The following RBFOX1 variants were observed in gnomAD, a reference collection of about 807,000 sequenced individuals.
The protein encoded by RBFOX1 is RNA binding fox-1 homolog 1.
In RBFOX1, 8 loss-of-function variants were observed where a neutral mutation model predicts 57.7. The observed-to-expected ratio is 0.14, with a 90% CI of 0.08 to 0.25. RBFOX1 has a LOEUF of 0.25. RBFOX1 is among the 10% of genes least tolerant of loss of function. RBFOX1 has a pLI of 1.00. For synonymous variants in RBFOX1, 326 were observed against 222.4 expected, an observed-to-expected ratio of 1.47 and a Z score of -4.15; for missense variants, 611 against 548.5, an observed-to-expected ratio of 1.11 and a Z score of -1.14.
chr16:7,605,545 A>G (rs2095250896), intron 9 of RBFOX1, among the ~76,000 whole-genome samples: 1 of 152,174 alleles, frequency 6.6e-6, no homozygotes, highest in East Asian at 1.9e-4. Context: ...CAAGTTTTAG[A>G]AAGTTCTGGA....
intron 14 of RBFOX1, among the ~76,000 whole-genome samples, chr16:7,690,279 T>C (rs1000925913): frequency 6.6e-6 from 1 of 152,082 alleles, no homozygotes; most frequent in Admixed American, 6.6e-5. Context: ...ACCATTCACC[T>C]CAACAAGTGA....
intron 5 of RBFOX1, among the ~76,000 whole-genome samples, chr16:7,562,764 C>T (rs767678077): frequency 6.6e-6 from 1 of 152,238 alleles, no homozygotes; most frequent in African/African-American, 2.4e-5. Flanking sequence ...CCAGAGGTTG[C>T]ACCTCATCCC....
chr16:5,274,026 G>A (rs547447809), intron 1 of RBFOX1, among the ~76,000 whole-genome samples: 1 of 152,182 alleles, frequency 6.6e-6, no homozygotes, highest in Non-Finnish European at 1.5e-5. Flanking sequence ...TTCCCTCTCA[G>A]GTTTGTGGGG....
chr16:7,041,583 T>C (rs1254928329), intron 3 of RBFOX1, among the ~76,000 whole-genome samples: 2 of 152,124 alleles, frequency 1.3e-5, no homozygotes, highest in Non-Finnish European at 2.9e-5. Context: ...GAAATGGAAG[T>C]TCTACATAGT....
At chr16:7,417,091 C>T (rs537460390) in intron 4 of RBFOX1, among the ~76,000 whole-genome samples, 8 of 151,934 alleles carry the variant, frequency 5.3e-5, no homozygotes, top group Non-Finnish European at 1.0e-4. Context: ...ACAAAGAGTC[C>T]GGGCATGGTG....
intron 3 of RBFOX1, among the ~76,000 whole-genome samples, chr16:6,751,170 C>A (rs764527389): frequency 1.3e-5 from 2 of 152,074 alleles, no homozygotes; most frequent in African/African-American, 4.8e-5. Context: ...ACATTTTATT[C>A]GAAATACAAT....
intron 2 of RBFOX1, among the ~76,000 whole-genome samples, chr16:6,464,580 T>G (rs552533331): frequency 1.7e-4 from 26 of 152,302 alleles, no homozygotes; most frequent in Non-Finnish European, 2.6e-4. Flanking sequence ...AATTATACCT[T>G]TTAAATTAAT....
chr16:7,672,300 A>G (rs576014581), intron 13 of RBFOX1, among the ~76,000 whole-genome samples: 1 of 152,350 alleles, frequency 6.6e-6, no homozygotes, highest in South Asian at 2.1e-4. Flanking sequence ...AAACCGTCAA[A>G]TAAGATGAAT....
At chr16:7,273,472 C>A (rs1394774056) in intron 4 of RBFOX1, among the ~76,000 whole-genome samples, 10 of 152,032 alleles carry the variant, frequency 6.6e-5, no homozygotes, top group Admixed American at 6.6e-4. Context: ...CATCAAGGGT[C>A]CCTGGAATTT....
At chr16:5,598,060 G>T (rs2047244992) in intron 2 of RBFOX1, among the ~76,000 whole-genome samples, 1 of 152,068 alleles carries the variant, frequency 6.6e-6, no homozygotes, top group Non-Finnish European at 1.5e-5. Flanking sequence ...ACTTTGGGAG[G>T]CCGAGGCAGG....
intron 2 of RBFOX1, among the ~76,000 whole-genome samples, chr16:6,393,345 A>G (rs1448597696): frequency 2.0e-5 from 3 of 152,168 alleles, no homozygotes; most frequent in African/African-American, 7.2e-5. Context: ...ATAGACAGTC[A>G]CCTGTGGAGC....
At chr16:6,210,997 C>A (rs2097293059) in intron 1 of RBFOX1, among the ~76,000 whole-genome samples, 1 of 151,946 alleles carries the variant, frequency 6.6e-6, no homozygotes, top group Admixed American at 6.6e-5. Flanking sequence ...ATCAGCTGAA[C>A]CAAGTAGAGG....
chr16:7,248,632 C>A (rs1043529892), intron 4 of RBFOX1, among the ~76,000 whole-genome samples: 8 of 152,116 alleles, frequency 5.3e-5, no homozygotes, highest in African/African-American at 1.9e-4. Flanking sequence ...TTTTGACCTT[C>A]CTTTTTATAA....
intron 2 of RBFOX1, among the ~76,000 whole-genome samples, chr16:5,523,972 C>T (rs1051998627): frequency 5.5e-4 from 83 of 152,242 alleles, no homozygotes; most frequent in African/African-American, 1.8e-3. Context: ...CCTCCCGGCC[C>T]AGGACAAGAC....
Position 7,556,548 on chromosome 16 carries a change from G to A in RBFOX1, c.271-23229G>A, listed in dbSNP as rs542793922. Among the ~76,000 whole-genome samples the A allele has an allele frequency of 2.0e-5, 3 of 152,230 alleles. No homozygotes were observed. In the East Asian group the frequency reaches 5.8e-4, roughly 29 times the overall value. The stretch of plus-strand genomic sequence containing the variant: ...CTTTTACCTTGAATTTCCCCTTCAT[G>A]GGCCTATCTTTGTTTTCATTTTCAA... On this transcript the variant is annotated intron_variant, in intron 5 of 15. Coordinates refer to ENST00000550418, the MANE Select transcript of RBFOX1 (RefSeq NM_018723.4).
At chr16:6,106,807 A>G (rs2096385902) in intron 1 of RBFOX1, among the ~76,000 whole-genome samples, 1 of 152,138 alleles carries the variant, frequency 6.6e-6, no homozygotes, top group African/African-American at 2.4e-5. Context: ...AGCTGGGACC[A>G]CAGATGCCCA....
At chr16:5,523,389 T>C (rs1488476067) in intron 2 of RBFOX1, among the ~76,000 whole-genome samples, 1 of 152,150 alleles carries the variant, frequency 6.6e-6, no homozygotes, top group African/African-American at 2.4e-5. Flanking sequence ...CTGAGGCGGT[T>C]GGATCACTTG....
At chr16:5,375,851 A>G (rs1038608535) in intron 1 of RBFOX1, among the ~76,000 whole-genome samples, 12 of 152,100 alleles carry the variant, frequency 7.9e-5, no homozygotes, top group African/African-American at 2.7e-4. Context: ...TTGCGATAAG[A>G]CTTTCTTTAT....
At chr16:5,243,385 T>G (rs976319204) in intron 1 of RBFOX1, among the ~76,000 whole-genome samples, 5 of 152,184 alleles carry the variant, frequency 3.3e-5, no homozygotes, top group Non-Finnish European at 5.9e-5. Context: ...GTTGTCAGCC[T>G]GGGGCTCCTG....
Sources: allele counts gnomAD v4.1 joint callset (sites outside exome capture counted in the v4.1 genomes callset), GRCh38; gene constraint gnomAD v4.1.1; transcripts MANE v1.5; gene names NCBI Gene and HGNC (gene_info 2026-07-23, HGNC 2026-07-21).